Variants in LAMA3 observed in about 807,000 individuals in gnomAD.
LAMA3 encodes laminin subunit alpha-3.
Under a neutral mutation model 402.0 loss-of-function variants are expected in LAMA3, and 281 were observed. The observed-to-expected ratio is 0.70, with a 90% confidence interval of 0.63 to 0.77. LAMA3 has a LOEUF of 0.77. LAMA3 is among the 30% of genes least tolerant of loss of function. LAMA3 has a pLI of 0.00. For synonymous variants in LAMA3, 1,431 were observed against 1,558.4 expected, an observed-to-expected ratio of 0.92 and a Z score of 1.93; for missense variants, 3,840 against 4,215.5, an observed-to-expected ratio of 0.91 and a Z score of 2.47.
At chr18:23,872,908 A>G in intron 38 of LAMA3, 1 of 928,950 alleles carries the variant, frequency 1.1e-6, no homozygotes, top group Non-Finnish European at 1.7e-6. Context: ...CTCATGTGTG[A>G]AGTTTAAAGG....
intron 8 of LAMA3, among the ~76,000 whole-genome samples, chr18:23,768,369 C>G (rs1163616465): frequency 6.6e-6 from 1 of 152,056 alleles, no homozygotes; most frequent in Non-Finnish European, 1.5e-5. Context: ...ATACAAGTGG[C>G]CAACAAACGT....
At chr18:23,753,599 G>T in intron 5 of LAMA3, 122 bp from the exon 6 acceptor site, 1 of 732,052 alleles carries the variant, frequency 1.4e-6, no homozygotes. Flanking sequence ...TCCCAATGTA[G>T]GGCTCAAGAA....
intron 32 of LAMA3, among the ~76,000 whole-genome samples, chr18:23,850,239 T>C (rs888906776): frequency 9.9e-5 from 15 of 152,238 alleles, no homozygotes; most frequent in Non-Finnish European, 2.1e-4. Context: ...TGTATTTAAC[T>C]ACTTATAAGC....
chr18:23,884,745 A>T (rs774572614), intron 40 of LAMA3, 28 bp from the exon 41 acceptor site: 1 of 1,586,344 alleles, frequency 6.3e-7, no homozygotes, highest in Non-Finnish European at 8.7e-7. Context: ...TGTGTTTTTG[A>T]TGGGGCCTTT....
chr18:23,836,182 G>A (rs1289437593), intron 24 of LAMA3, among the ~76,000 whole-genome samples: 1 of 151,564 alleles, frequency 6.6e-6, no homozygotes, highest in East Asian at 1.9e-4. Context: ...AGTTTATTAA[G>A]TTTCTAATAT....
intron 44 of LAMA3, 119 bp downstream of exon 44, chr18:23,895,177 T>G (rs956708701): frequency 8.6e-7 from 1 of 1,168,274 alleles, no homozygotes; most frequent in Non-Finnish European, 1.2e-6. Flanking sequence ...TCCTCCTTCC[T>G]CTGATCCAAA....
chr18:23,871,727 C>CA, intron 38 of LAMA3, 66 bp downstream of exon 38: 1 of 1,312,042 alleles, frequency 7.6e-7, no homozygotes, highest in East Asian at 2.5e-5. Flanking sequence ...GGCTGCTGTC[C>CA]AGCACTGTGG....
intron 69 of LAMA3, among the ~76,000 whole-genome samples, 187 bp from the exon 70 acceptor site, chr18:23,945,957 A>G (rs1225034521): frequency 1.3e-5 from 2 of 152,100 alleles, no homozygotes; most frequent in African/African-American, 4.8e-5. Context: ...CAGTTTGTTC[A>G]GTATTTCACA....
At chr18:23,936,233 T>TTA (rs201912592) in intron 67 of LAMA3, among the ~76,000 whole-genome samples, 7 of 151,192 alleles carry the variant, frequency 4.6e-5, no homozygotes, top group South Asian at 2.1e-4. Context: ...TTTTTTCTTT[T>TTA]TATATATATA....
chr18:23,814,149 A>G (rs1305813900), intron 14 of LAMA3, among the ~76,000 whole-genome samples: 1 of 152,212 alleles, frequency 6.6e-6, no homozygotes, highest in Non-Finnish European at 1.5e-5. Flanking sequence ...TGATTTTTAA[A>G]TTTTCTTTCT....
Position 23,819,878 on chromosome 18 carries a change from A to G in LAMA3, c.2185A>G (p.Met729Val). ...NNYYFPDLHH[M>V]KYEIEDGSTP... is the part of the protein sequence containing the mutation. ...CTACTATTTCCCAGATTTGCATCAT[A>G]TGAAGTATGAGATTGAAGACGGCAG... The change falls in exon 19 of 75, where the codon ATG (methionine) becomes GTG (valine). Residue 729 changes from methionine to valine, a missense_variant. Met to Val is a conservative substitution (Grantham distance 21, BLOSUM62 1). Around this residue, in one of 3 missense-constraint regions of LAMA3, gnomAD observed 2,109 missense variants for 2,376.0 expected, o/e 0.89. Coordinates refer to ENST00000313654, the MANE Select transcript of LAMA3 (RefSeq NM_198129.4). 1 of 1,614,110 alleles carries G rather than the reference A, an allele frequency of 6.2e-7. No individual in the cohort carries two copies. Among genetic ancestry groups the G allele is most frequent in the South Asian group, 1.1e-5 (1 of 91,080 alleles).
In LAMA3 at chr18:23,768,832, T is replaced by C. The variant is rs578080358; in HGVS notation, c.1183-4665T>C. Reference sequence around the variant, plus strand: ...ATAAAAAAGAATGAAATCATACCCTTTGCAGCAGCATGGATGCAGCTGGAG... The same window carrying C: ...ATAAAAAAGAATGAAATCATACCCTCTGCAGCAGCATGGATGCAGCTGGAG... On this transcript the variant is annotated intron_variant, in intron 8 of 74. Coordinates refer to ENST00000313654, the MANE Select transcript of LAMA3 (RefSeq NM_198129.4). 2.0e-5 allele frequency among the ~76,000 whole-genome samples: 3 copies of C among 152,284 alleles called. No homozygotes were observed. In the South Asian group the frequency reaches 6.2e-4, roughly 32 times the overall value.
Position 23,901,290 on chromosome 18 carries a change from C to T in LAMA3, c.6168C>T (p.Asn2056=). The change falls in exon 48 of 75, where the codon AAC becomes AAT. Residue 2056 remains asparagine, a synonymous_variant. Transcript: ENST00000313654. ...AAGCCAAGCAGGCAAATGGCTTGAA[C>T]CAAGAAAACGAGAGAGCTTTGGGAG... The part of the protein sequence containing the change: ...AAQAKQANGL[N]QENERALGAI... The T allele has an allele frequency of 6.2e-7, 1 of 1,614,104 alleles. No homozygotes were observed. Among genetic ancestry groups the T allele is most frequent in the Admixed American group, 1.7e-5 (1 of 60,022 alleles).
intron 34 of LAMA3, 127 bp from the exon 35 acceptor site, chr18:23,861,519 C>T (rs971193848): frequency 1.7e-5 from 16 of 967,074 alleles, no homozygotes; most frequent in African/African-American, 4.8e-5. Flanking sequence ...CAGGAGTAGA[C>T]GCATAAAGGA....
intron 23 of LAMA3, among the ~76,000 whole-genome samples, chr18:23,828,629 C>G (rs1199799263): frequency 6.6e-6 from 1 of 151,940 alleles, no homozygotes; most frequent in African/African-American, 2.4e-5. Flanking sequence ...CAAGAGGTAC[C>G]GTTGAGAAGG....
intron 34 of LAMA3, among the ~76,000 whole-genome samples, chr18:23,860,574 T>A (rs1179327689): frequency 2.6e-5 from 4 of 152,050 alleles, no homozygotes; most frequent in African/African-American, 7.2e-5. Context: ...TGGGCATTTT[T>A]AAAATTAACT....
intron 8 of LAMA3, 77 bp downstream of exon 8, chr18:23,763,600 T>G (rs1241537496): frequency 2.1e-6 from 2 of 940,596 alleles, no homozygotes; most frequent in African/African-American, 1.6e-5. Flanking sequence ...CCTGAAGAGA[T>G]GTCAAGAAAG....
chr18:23,937,413 A>C (rs2082348938), intron 67 of LAMA3, among the ~76,000 whole-genome samples: 1 of 148,250 alleles, frequency 6.7e-6, no homozygotes. Flanking sequence ...GCTGACTTTC[A>C]GGGCATAGGC....
chr18:23,944,860 C>T (rs144113841), intron 69 of LAMA3, among the ~76,000 whole-genome samples: 3 of 152,216 alleles, frequency 2.0e-5, no homozygotes, highest in African/African-American at 2.4e-5. Flanking sequence ...CTTGGCCAGG[C>T]GCGGTGGCTC....
Sources: allele counts gnomAD v4.1 joint callset (sites outside exome capture counted in the v4.1 genomes callset), GRCh38; gene constraint gnomAD v4.1.1; regional missense constraint gnomAD v4.1.1; transcripts MANE v1.5; gene names NCBI Gene and HGNC (gene_info 2026-07-23, HGNC 2026-07-21).